Variants in FBXW10B observed in about 807,000 individuals in gnomAD.
FBXW10B encodes the protein F-box and WD repeat domain containing protein 10B.
chr17:15,575,987 G>A, the FBXW10B span, among the ~76,000 whole-genome samples: 2 of 152,096 alleles, frequency 1.3e-5, no homozygotes, highest in African/African-American at 4.8e-5. Flanking sequence ...TATAATTAAA[G>A]CCAAAGAGAT....
chr17:15,615,675 C>T, the FBXW10B span: 1 of 1,613,836 alleles, frequency 6.2e-7, no homozygotes, highest in Non-Finnish European at 8.5e-7. Flanking sequence ...AGGAAGTGTT[C>T]ATTTTCTGGG....
At chr17:15,599,173 C>CAA in the FBXW10B span, among the ~76,000 whole-genome samples, 364 of 69,144 alleles carry the variant, frequency 5.3e-3, 10 homozygotes, top group East Asian at 0.013. Flanking sequence ...GACTCTGTCT[C>CAA]AAAAAAAAAA....
At chr17:15,619,131 T>C in the FBXW10B span, 1 of 1,613,908 alleles carries the variant, frequency 6.2e-7, no homozygotes, top group African/African-American at 1.3e-5. Context: ...CACTGGGTGC[T>C]GTTCGCAAAC....
chr17:15,596,611 G>C, the FBXW10B span: 4 of 1,613,090 alleles, frequency 2.5e-6, no homozygotes, highest in South Asian at 2.2e-5. Context: ...GGCCAAGATG[G>C]GGTCTTTGTG....
chr17:15,600,740 G>A, the FBXW10B span, among the ~76,000 whole-genome samples: 1 of 152,220 alleles, frequency 6.6e-6, no homozygotes, highest in East Asian at 1.9e-4. Flanking sequence ...GGTGGTATAG[G>A]CATTAGAAAA....
the FBXW10B span, among the ~76,000 whole-genome samples, chr17:15,585,334 T>C: frequency 2.6e-5 from 4 of 152,218 alleles, no homozygotes; most frequent in South Asian, 8.3e-4. Flanking sequence ...AATTAAAAGA[T>C]AAAATTTTTT....
At chr17:15,587,492 G>C in the FBXW10B span, among the ~76,000 whole-genome samples, 1 of 151,462 alleles carries the variant, frequency 6.6e-6, no homozygotes, top group African/African-American at 2.4e-5. Context: ...CCCTATAGCA[G>C]AGTGGTAGAG....
chr17:15,600,922 A>G, the FBXW10B span, among the ~76,000 whole-genome samples: 1 of 149,114 alleles, frequency 6.7e-6, no homozygotes, highest in Non-Finnish European at 1.5e-5. Context: ...GTGGTGGCAC[A>G]TGCTTGTAGT....
chr17:15,579,478 C>T, the FBXW10B span, among the ~76,000 whole-genome samples: 149 of 152,198 alleles, frequency 9.8e-4, 1 homozygote, highest in Non-Finnish European at 1.6e-3. Flanking sequence ...AAACTCATTT[C>T]CAAGCTCCAA....
chr17:15,609,447 G>A, the FBXW10B span, among the ~76,000 whole-genome samples: 91 of 152,064 alleles, frequency 6.0e-4, no homozygotes, highest in Admixed American at 1.2e-3. Context: ...CAACCCAGGT[G>A]AGAATTCATT....
chr17:15,614,091 C>T, the FBXW10B span: 9 of 1,515,244 alleles, frequency 5.9e-6, no homozygotes, highest in South Asian at 2.4e-5. Flanking sequence ...AACTCCAGGC[C>T]GAGAACAAGT....
At chr17:15,580,388 G>A in the FBXW10B span, among the ~76,000 whole-genome samples, 3 of 151,600 alleles carry the variant, frequency 2.0e-5, no homozygotes, top group South Asian at 2.1e-4. Flanking sequence ...CTTAATAAAA[G>A]GCCATTACAG....
the FBXW10B span, among the ~76,000 whole-genome samples, chr17:15,582,016 A>T: frequency 3.0e-5 from 4 of 134,450 alleles, no homozygotes; most frequent in Non-Finnish European, 5.9e-5. Context: ...AAGGACTAAT[A>T]AAAAAAACAT....
At chr17:15,592,340 T>C in the FBXW10B span, among the ~76,000 whole-genome samples, 1 of 149,648 alleles carries the variant, frequency 6.7e-6, no homozygotes, top group Non-Finnish European at 1.5e-5. Context: ...CTGAAAAGTG[T>C]TCATTAACTG....
At chr17:15,573,934 A>G in the FBXW10B span, 1,090 of 468,204 alleles carry the variant, frequency 2.3e-3, 12 homozygotes, top group African/African-American at 0.019. Context: ...TGACATTGTC[A>G]TTTGTTTCAT....
the FBXW10B span, among the ~76,000 whole-genome samples, chr17:15,591,407 A>G: frequency 6.6e-6 from 1 of 152,116 alleles, no homozygotes; most frequent in African/African-American, 2.4e-5. Context: ...CTCGTGCCTC[A>G]GCCTCCTGAG....
the FBXW10B span, chr17:15,593,638 T>G: frequency 4.3e-6 from 5 of 1,157,048 alleles, no homozygotes; most frequent in Non-Finnish European, 6.0e-6. Context: ...TTTTTTTTTT[T>G]TTTTTTTGAG....
chr17:15,601,322 T>A, the FBXW10B span, among the ~76,000 whole-genome samples: 1 of 139,180 alleles, frequency 7.2e-6, no homozygotes, highest in African/African-American at 2.7e-5. Context: ...GGAAGGAGAA[T>A]GGCGTGAACC....
the FBXW10B span, among the ~76,000 whole-genome samples, chr17:15,596,896 C>T: frequency 6.6e-6 from 1 of 152,128 alleles, no homozygotes; most frequent in African/African-American, 2.4e-5. Flanking sequence ...GCCCGCAATC[C>T]AGAAGACCTT....
Sources: allele counts gnomAD v4.1 joint callset (sites outside exome capture counted in the v4.1 genomes callset), GRCh38; gene constraint gnomAD v4.1.1; transcripts MANE v1.5; gene names NCBI Gene and HGNC (gene_info 2026-07-23, HGNC 2026-07-21).